SEPTIN14: variants seen among roughly 807,000 people sequenced by gnomAD.
The protein encoded by SEPTIN14 is septin-14.
Under a neutral mutation model 53.6 loss-of-function variants are expected in SEPTIN14, and 40 were observed. The ratio of observed to expected loss-of-function variants is 0.75; its 90% CI spans 0.58 to 0.97. The LOEUF (loss-of-function observed/expected upper bound fraction) is 0.97, where lower values mean the gene tolerates loss of function less well. SEPTIN14 is among the 50% of genes least tolerant of loss of function. SEPTIN14 has a pLI of 0.00. For missense variants in SEPTIN14, 471 were observed against 508.2 expected (o/e 0.93, Z 0.70); for synonymous variants, 138 against 166.8 (o/e 0.83, Z 1.33).
intron 5 of SEPTIN14, among the ~76,000 whole-genome samples, chr7:55,836,694 C>T (rs547290747): frequency 1.1e-4 from 17 of 152,246 alleles, no homozygotes; most frequent in Admixed American, 3.3e-4. Context: ...GCCGAGATTG[C>T]GCCATTGCAC....
At chr7:55,815,888 A>G (rs7793363) in intron 7 of SEPTIN14, among the ~76,000 whole-genome samples, 33,515 of 152,168 alleles carry the variant, frequency 0.22, 4,303 homozygotes, top group Middle Eastern at 0.32. Flanking sequence ...TCAAAGAGAT[A>G]GCTCCACTCC....
At chr7:55,859,800 T>A (rs28785194) in intron 2 of SEPTIN14, among the ~76,000 whole-genome samples, 44,670 of 152,102 alleles carry the variant, frequency 0.29, 7,535 homozygotes, top group African/African-American at 0.45. Flanking sequence ...TTATTGAACC[T>A]GTATTCACCA....
In SEPTIN14 at chr7:55,806,931, C is replaced by T. The variant is rs149520394; in HGVS notation, c.986+159G>A. ...ATATTGTTCCTACTATCTCTACCTT[C>T]GTCAAAAGATCATAAAAACACCTAA... On this transcript the variant is annotated intron_variant, in intron 8 of 9. Transcript: ENST00000388975. Among the ~76,000 whole-genome samples, 432 of 152,272 alleles carry T rather than the reference C, an allele frequency of 2.8e-3. 2 individuals are homozygous for T. Among genetic ancestry groups the T allele is most frequent in the African/African-American group, 9.2e-3 (381 of 41,550 alleles).
chr7:55,841,826 G>A (rs2116047414), intron 5 of SEPTIN14, among the ~76,000 whole-genome samples: 1 of 143,770 alleles, frequency 7.0e-6, no homozygotes, highest in East Asian at 2.0e-4. Context: ...TTGCACTCTG[G>A]CCTGGGCAAC....
chr7:55,855,568 CTTTTT>C (rs762339925), intron 2 of SEPTIN14, among the ~76,000 whole-genome samples: 18 of 151,740 alleles, frequency 1.2e-4, no homozygotes, highest in South Asian at 1.0e-3. Context: ...CTTTTCTTTT[CTTTTT>C]GAGACAGAGT....
chr7:55,838,381 A>G (rs1368997133), intron 5 of SEPTIN14, among the ~76,000 whole-genome samples: 4 of 152,150 alleles, frequency 2.6e-5, no homozygotes, highest in Admixed American at 6.6e-5. Flanking sequence ...CAGTGGGATT[A>G]TTTCACAGTA....
At position 55,805,365 on chromosome 7, in the gene SEPTIN14, T is replaced by C; in HGVS notation, c.1012A>G (p.Arg338Gly). ...TGACATTGATCATAGAACTCTTGTCTTTTGGCTTCAAAGATTTCTTGAAAA... is the reference window on the plus strand; with the variant it reads ...TGACATTGATCATAGAACTCTTGTCCTTTGGCTTCAAAGATTTCTTGAAAA... ...VSFQEIFEAK[R>G]QEFYDQCQRE... Residue 338 changes from arginine to glycine, a missense_variant, in exon 9 of 10, where the codon AGA (arginine) becomes GGA (glycine). Physicochemically the swap from Arg to Gly is moderately radical, Grantham distance 125. Coordinates refer to ENST00000388975, the MANE Select transcript of SEPTIN14 (RefSeq NM_207366.3). The C allele has an allele frequency of 1.3e-6, 2 of 1,594,286 alleles. No homozygotes were observed.
chr7:55,821,371 C>T (rs1756963154), intron 6 of SEPTIN14, among the ~76,000 whole-genome samples: 1 of 152,142 alleles, frequency 6.6e-6, no homozygotes, highest in African/African-American at 2.4e-5. Context: ...GGGTAACCTG[C>T]CATTGTTTCC....
chr7:55,861,686 T>C (rs1227923349), intron 2 of SEPTIN14, among the ~76,000 whole-genome samples: 1 of 152,218 alleles, frequency 6.6e-6, no homozygotes, highest in Admixed American at 6.5e-5. Context: ...AGTTTTACTT[T>C]GAATTTCTTT....
chr7:55,838,614 T>C (rs1789251245), intron 5 of SEPTIN14, among the ~76,000 whole-genome samples: 1 of 149,226 alleles, frequency 6.7e-6, no homozygotes, highest in African/African-American at 2.5e-5. Context: ...ACTTGCTCTA[T>C]TGCCCAGGCT....
At position 55,817,523 on chromosome 7, in the gene SEPTIN14, G is replaced by A. The variant is rs1788815362; in HGVS notation, c.817+1604C>T. On this transcript the variant is annotated intron_variant, in intron 7 of 9. Transcript: ENST00000388975. Reference sequence around the variant, plus strand: ...TCTCGCTCTGTTGCCCAGCTGGAGTGCAGTGGCGTGATCTCAGCTCACTGC... The same window carrying A: ...TCTCGCTCTGTTGCCCAGCTGGAGTACAGTGGCGTGATCTCAGCTCACTGC... 2.7e-5 allele frequency among the ~76,000 whole-genome samples: 4 copies of A among 150,490 alleles called. No individual in the cohort carries two copies. The South Asian group carries it at 8.4e-4, about 31-fold the overall frequency.
At chr7:55,854,422 T>C (rs915963582) in intron 2 of SEPTIN14, among the ~76,000 whole-genome samples, 10 of 151,194 alleles carry the variant, frequency 6.6e-5, no homozygotes, top group Non-Finnish European at 1.0e-4. Context: ...ATTTTATACA[T>C]TGTACTGGAG....
At chr7:55,833,087 G>A (rs1429508346) in intron 6 of SEPTIN14, among the ~76,000 whole-genome samples, 1 of 152,164 alleles carries the variant, frequency 6.6e-6, no homozygotes, top group Non-Finnish European at 1.5e-5. Context: ...GGCCGAGGCA[G>A]GCAGATTGCC....
intron 2 of SEPTIN14, chr7:55,850,701 T>G: frequency 6.6e-6 from 1 of 152,200 alleles, no homozygotes; most frequent in East Asian, 1.9e-4. Context: ...CTCTTTTCCC[T>G]ATTTTTATGA....
intron 9 of SEPTIN14, among the ~76,000 whole-genome samples, chr7:55,802,614 T>C (rs1384405526): frequency 6.6e-6 from 1 of 152,172 alleles, no homozygotes; most frequent in Admixed American, 6.6e-5. Flanking sequence ...GATGAAAGAC[T>C]TAACCGCTAT....
intron 9 of SEPTIN14, among the ~76,000 whole-genome samples, chr7:55,804,080 G>A (rs1788569776): frequency 7.0e-6 from 1 of 141,862 alleles, no homozygotes; most frequent in Admixed American, 7.3e-5. Flanking sequence ...AGCTTGCGGT[G>A]AGCCCAGATC....
chr7:55,839,644 G>A (rs1224290364), intron 5 of SEPTIN14, among the ~76,000 whole-genome samples: 3 of 152,052 alleles, frequency 2.0e-5, no homozygotes, highest in Non-Finnish European at 4.4e-5. Flanking sequence ...CATGCTTTCA[G>A]GCGTCCACTG....
chr7:55,848,943 G>A (rs1431870901), intron 2 of SEPTIN14, among the ~76,000 whole-genome samples: 3 of 151,980 alleles, frequency 2.0e-5, no homozygotes, highest in African/African-American at 7.2e-5. Flanking sequence ...TTATAAATGT[G>A]CAGAGACATA....
At chr7:55,805,522 T>C in intron 8 of SEPTIN14, 132 bp from the exon 9 acceptor site, 2 of 582,472 alleles carry the variant, frequency 3.4e-6, no homozygotes, top group South Asian at 2.2e-5. Flanking sequence ...TAAGACTCCA[T>C]CATAAAAAAA....
Sources: gnomAD v4.1 joint callset for allele counts (sites outside exome capture counted in the v4.1 genomes callset) on GRCh38, gnomAD v4.1.1 for gene constraint, MANE v1.5 for transcripts, NCBI Gene and HGNC (gene_info 2026-07-23, HGNC 2026-07-21) for gene names.